Variants in SPEG observed in about 807,000 individuals in gnomAD.
SPEG encodes striated muscle enriched protein kinase.
Under a neutral mutation model 300.4 loss-of-function variants are expected in SPEG, and 114 were observed. The observed-to-expected ratio is 0.38, with a 90% CI of 0.33 to 0.44. SPEG has a LOEUF of 0.44. Ranked by LOEUF, SPEG falls within the 20% of genes least tolerant of loss-of-function variation. The pLI is 1.00. For missense variants in SPEG, 4,201 were observed against 4,586.2 expected (o/e 0.92, Z 2.43); for synonymous variants, 1,964 against 2,018.9 (o/e 0.97, Z 0.73).
At position 219,435,096 on chromosome 2, in the gene SPEG, C is replaced by A. The variant is rs747161298; in HGVS notation, c.119C>A (p.Ala40Asp). 9 of 1,459,618 alleles carry A rather than the reference C, an allele frequency of 6.2e-6. No individual in the cohort carries two copies. The East Asian group carries it at 2.6e-4, about 42-fold the overall frequency. 90.4% of individuals were successfully genotyped at this position (1,459,618 alleles called of 1,614,324 possible). A position where few individuals can be genotyped will look rare whatever the true frequency, so the allele number is the denominator to read the frequency against. The change falls in exon 1 of 41, where the codon GCC becomes GAC. Residue 40 changes from alanine to aspartate, a missense_variant. Around this residue, in one of 4 missense-constraint regions of SPEG, gnomAD observed 1,258 missense variants for 1,293.9 expected, o/e 0.97. Transcript: ENST00000312358. ...GAGGGAPVAVAGAPVFLRPLK... is the reference protein window; with the variant it reads ...GAGGGAPVAVDGAPVFLRPLK... Reference sequence around the variant, plus strand: ...GGCGGCGGGGCTCCTGTGGCCGTGGCCGGGGCGCCAGTCTTCCTGCGGCCC... The same window carrying A: ...GGCGGCGGGGCTCCTGTGGCCGTGGACGGGGCGCCAGTCTTCCTGCGGCCC...
In SPEG at chr2:219,467,548, G is replaced by A. The variant is rs150162966; in HGVS notation, c.3142+114G>A. 2.1e-5 allele frequency: 26 copies of A among 1,248,986 alleles called. 1 individual carries two copies. The highest frequency in any genetic ancestry group is 2.7e-4 in the Middle Eastern group (1 of 3,666). 77.4% of individuals were successfully genotyped at this position (1,248,986 alleles called of 1,614,324 possible). ...CAGAGCTCCAACCCCGAGGGGAAGCGGGGGAGGGTGGGAGCTAGTACATTG... is the reference window on the plus strand; with the variant it reads ...CAGAGCTCCAACCCCGAGGGGAAGCAGGGGAGGGTGGGAGCTAGTACATTG... On this transcript the variant is annotated intron_variant, in intron 10 of 40. Coordinates refer to ENST00000312358, the MANE Select transcript of SPEG (RefSeq NM_005876.5).
At chr2:219,489,999 A>G in intron 36 of SPEG, 60 bp downstream of exon 36, 1 of 1,509,292 alleles carries the variant, frequency 6.6e-7, no homozygotes, top group Admixed American at 2.2e-5. Flanking sequence ...TCTGGAGCAC[A>G]TGGCTTCGGA....
rs1314973984 is a variant in SPEG, at chr2:219,439,090, T to C, written c.388+3725T>C. 6.6e-6 allele frequency among the ~76,000 whole-genome samples: 1 copy of C among 152,086 alleles called. No individual in the cohort carries two copies. Among genetic ancestry groups the C allele is most frequent in the African/African-American group, 2.4e-5 (1 of 41,398 alleles). On this transcript the variant is annotated intron_variant, in intron 1 of 40. Transcript: ENST00000312358. The surrounding 1 kb of genome is among the most constrained non-coding windows in gnomAD (Gnocchi z 4.5). ...AGCAGAGAGGAGCTCTGGGACCCTC[T>C]CCAGGGGAATCCTGAGTGGAATGAG...
At chr2:219,488,752 A>C (rs778073384) in intron 33 of SPEG, 26 bp from the exon 34 acceptor site, 7 of 1,611,492 alleles carry the variant, frequency 4.3e-6, no homozygotes, top group Middle Eastern at 1.6e-4. Context: ...ATAGGGGCTC[A>C]CTGGGACTCT....
chr2:219,461,313 T>C (rs1690670184), intron 6 of SPEG: 1 of 987,326 alleles, frequency 1.0e-6, no homozygotes, highest in Admixed American at 6.2e-5. Context: ...GCCCCTGGGG[T>C]TTGCACGGCA....
rs746466244 is a variant in SPEG at position 219,477,325 on chromosome 2, G to A, written c.4609G>A (p.Glu1537Lys). Residue 1537 changes from glutamate (E) to lysine (K), a missense_variant, in exon 20 of 41, where the codon GAG becomes AAG. Transcript: ENST00000312358. The surrounding 1 kb of genome is among the most constrained non-coding windows in gnomAD (Gnocchi z 6.4). ...ESSHVSFVYE[E>K]NECSLVVLST... ...CAGCCATGTGAGCTTCGTGTACGAG[G>A]AGAATGAGTGCTCCCTGGTGGTGCT... is the stretch of plus-strand genomic sequence containing the variant. 40 of 1,613,514 alleles carry A rather than the reference G, an allele frequency of 2.5e-5. No homozygotes were observed. Among genetic ancestry groups the A allele is most frequent in the South Asian group, 4.4e-5 (4 of 91,056 alleles).
rs543643557 is a variant in SPEG, at chr2:219,467,550, G to A, written c.3142+116G>A. 38 of 1,225,626 alleles carry A rather than the reference G, an allele frequency of 3.1e-5. No homozygotes were observed. In the African/African-American group the frequency reaches 4.6e-4, roughly 15 times the overall value. 75.9% of individuals were successfully genotyped at this position (1,225,626 alleles called of 1,614,324 possible). A position where few individuals can be genotyped will look rare whatever the true frequency, so the allele number is the denominator to read the frequency against. ...GAGCTCCAACCCCGAGGGGAAGCGGGGGAGGGTGGGAGCTAGTACATTGCC... is the reference window on the plus strand; with the variant it reads ...GAGCTCCAACCCCGAGGGGAAGCGGAGGAGGGTGGGAGCTAGTACATTGCC... On this transcript the variant is annotated intron_variant, in intron 10 of 40. Transcript: ENST00000312358.
intron 1 of SPEG, chr2:219,442,120 CA>C: frequency 1.7e-6 from 2 of 1,168,416 alleles, no homozygotes; most frequent in Non-Finnish European, 2.1e-6. Context: ...CGGGAGGGGG[CA>C]GGGAGGCCTG....
At chr2:219,446,185 G>A (rs1689276870) in intron 3 of SPEG, among the ~76,000 whole-genome samples, 2 of 152,218 alleles carry the variant, frequency 1.3e-5, no homozygotes, top group Admixed American at 1.3e-4. Flanking sequence ...CCAGGGGGAG[G>A]CTCCCTTGGC....
chr2:219,442,858 C>T (rs1439865898), intron 1 of SPEG, among the ~76,000 whole-genome samples: 2 of 152,186 alleles, frequency 1.3e-5, no homozygotes, highest in African/African-American at 4.8e-5. Context: ...CAGCTTCCAC[C>T]TGCAGCCTGC....
chr2:219,436,110 T>A (rs1954711714), intron 1 of SPEG, among the ~76,000 whole-genome samples: 1 of 152,220 alleles, frequency 6.6e-6, no homozygotes, highest in Non-Finnish European at 1.5e-5. Context: ...CATGTCTACC[T>A]GAGCTTCCAG....
At position 219,449,251 on chromosome 2, in the gene SPEG, G is replaced by A; in HGVS notation, c.2093G>A (p.Arg698Gln). ...AGCCAGGGCAAAGGTCGCCGGGCCC[G>A]GCCCACCTCCCCTGAGCTCGGTAAG... is the stretch of plus-strand genomic sequence containing the variant. ...ARSQGKGRRA[R>Q]PTSPELESSD... is the part of the protein sequence containing the mutation. The change falls in exon 4 of 41, where the codon CGG becomes CAG. Residue 698 changes from arginine to glutamine, a missense_variant. Physicochemically the swap from Arg to Gln is conservative, Grantham distance 43. Coordinates refer to ENST00000312358, the MANE Select transcript of SPEG (RefSeq NM_005876.5). 2 of 1,391,730 alleles carry A rather than the reference G, an allele frequency of 1.4e-6. No individual in the cohort carries two copies. Among genetic ancestry groups the A allele is most frequent in the South Asian group, 3.3e-5 (2 of 60,162 alleles). The allele number at this position is 1,391,730 out of a possible 1,614,324, so 86.2% of individuals were successfully genotyped here.
chr2:219,460,777 T>G, intron 6 of SPEG: 1 of 985,666 alleles, frequency 1.0e-6, no homozygotes, highest in Non-Finnish European at 1.2e-6. Context: ...AACCTCCTCC[T>G]TCCCCTCCTC....
rs1170061335 is a variant in SPEG at position 219,445,647 on chromosome 2, C to G, written c.815+486C>G. On this transcript the variant is annotated intron_variant, in intron 3 of 40. Transcript: ENST00000312358. This position sits in a 1 kb window ranked among gnomAD's most constrained non-coding sequence, Gnocchi z 6.1. The stretch of plus-strand genomic sequence containing the variant: ...CAGCTCCCGGGAGAGCAGGAGAGAG[C>G]AGGGGAACAAGCCAGCAAGCAGGAG... 5.9e-6 allele frequency: 1 copy of G among 170,756 alleles called. No individual in the cohort carries two copies. Among genetic ancestry groups the G allele is most frequent in the East Asian group, 1.8e-4 (1 of 5,648 alleles). 10.6% of individuals were successfully genotyped at this position (170,756 alleles called of 1,614,324 possible).
chr2:219,437,973 T>A (rs1954763110), intron 1 of SPEG, among the ~76,000 whole-genome samples: 2 of 152,206 alleles, frequency 1.3e-5, no homozygotes, highest in South Asian at 4.1e-4. Flanking sequence ...CTGGGATTGC[T>A]GGCTCAATAA....
chr2:219,489,243 G>A (rs1371167862), intron 35 of SPEG, 22 bp downstream of exon 35: 1 of 1,613,330 alleles, frequency 6.2e-7, no homozygotes, highest in Non-Finnish European at 8.5e-7. Flanking sequence ...GGTATGGGGT[G>A]GGAGGAGGAA....
chr2:219,447,130 C>T (rs555680380), intron 3 of SPEG, among the ~76,000 whole-genome samples: 91 of 152,288 alleles, frequency 6.0e-4, no homozygotes, highest in African/African-American at 2.0e-3. Flanking sequence ...CCGGCTCCTT[C>T]CCTCCTCCTT....
chr2:219,470,971 C>T (rs929801348), intron 13 of SPEG, among the ~76,000 whole-genome samples: 1 of 117,312 alleles, frequency 8.5e-6, no homozygotes, highest in Non-Finnish European at 1.8e-5. Context: ...GGTTCTGGGT[C>T]TGGTGGGACA....
rs1300550527 is a variant in SPEG, at chr2:219,451,266, C to T, written c.2244C>T (p.Asn748=). Residue 748 remains asparagine, a synonymous_variant, in exon 5 of 41, where the codon AAC becomes AAT. Coordinates refer to ENST00000312358, the MANE Select transcript of SPEG (RefSeq NM_005876.5). The surrounding 1 kb of genome is among the most constrained non-coding windows in gnomAD (Gnocchi z 6.4). ...TGCTCAAGTGTATCATCACTGCCAA[C>T]CCCCCGCCCCAAGGTGAGCTCCAGC... The part of the protein sequence containing the change: ...DVLLKCIITA[N]PPPQVSWHKD... 6.2e-7 allele frequency: 1 copy of T among 1,605,066 alleles called. No individual in the cohort carries two copies. The highest frequency in any genetic ancestry group is 8.5e-7 in the Non-Finnish European group (1 of 1,174,968).
Sources: allele counts gnomAD v4.1 joint callset (sites outside exome capture counted in the v4.1 genomes callset), GRCh38; gene constraint gnomAD v4.1.1; regional missense constraint gnomAD v4.1.1; non-coding constraint Gnocchi (gnomAD v3.1); transcripts MANE v1.5; gene names NCBI Gene and HGNC (gene_info 2026-07-23, HGNC 2026-07-21).